The following MINDY3 variants were observed in gnomAD, a reference collection of about 807,000 sequenced individuals.
The protein encoded by MINDY3 is MINDY lysine 48 deubiquitinase 3.
In MINDY3, 38 loss-of-function variants were observed where a neutral mutation model predicts 69.2. The ratio of observed to expected loss-of-function variants is 0.55; its 90% CI spans 0.42 to 0.72. MINDY3 has a LOEUF of 0.72. Ranked by LOEUF, MINDY3 falls within the 30% of genes least tolerant of loss-of-function variation. The probability of loss-of-function intolerance (pLI) is 0.00; values close to 1 mark genes in which losing one functional copy is unlikely to be tolerated. For synonymous variants in MINDY3, 192 were observed against 180.1 expected (o/e 1.07, Z -0.53); for missense variants, 522 against 519.0 (o/e 1.01, Z -0.06).
intron 8 of MINDY3, among the ~76,000 whole-genome samples, chr10:15,831,096 A>G (rs972252031): frequency 2.0e-5 from 3 of 152,206 alleles, no homozygotes; most frequent in East Asian, 1.9e-4. Flanking sequence ...GGCAGAGGTA[A>G]AGTTAGAGAC....
chr10:15,806,535 C>T (rs1298756745), intron 10 of MINDY3, among the ~76,000 whole-genome samples: 2 of 152,112 alleles, frequency 1.3e-5, no homozygotes, highest in Non-Finnish European at 2.9e-5. Flanking sequence ...AATTTTATCA[C>T]AGCTGTGCAG....
intron 5 of MINDY3, chr10:15,837,876 A>G: frequency 4.2e-6 from 4 of 946,882 alleles, no homozygotes; most frequent in Non-Finnish European, 5.0e-6. Context: ...AGGTATAGAA[A>G]ACAGATACTG....
chr10:15,843,149 AT>A (rs1460181472), intron 3 of MINDY3, 62 bp downstream of exon 3: 4 of 1,329,530 alleles, frequency 3.0e-6, no homozygotes, highest in Non-Finnish European at 4.3e-6. Context: ...TTCTCAGATA[AT>A]TTTAGATCAT....
chr10:15,801,614 C>T (rs1838264166), intron 10 of MINDY3, among the ~76,000 whole-genome samples: 1 of 151,954 alleles, frequency 6.6e-6, no homozygotes. Context: ...CATAAGGACC[C>T]TTGAGGCTCA....
intron 10 of MINDY3, among the ~76,000 whole-genome samples, chr10:15,798,111 A>G (rs1190216071): frequency 1.3e-5 from 2 of 152,156 alleles, no homozygotes; most frequent in Admixed American, 6.5e-5. Flanking sequence ...GCGGTCACCA[A>G]TGAATGAGGA....
intron 3 of MINDY3, among the ~76,000 whole-genome samples, chr10:15,842,172 T>A (rs1187171280): frequency 6.6e-6 from 1 of 151,682 alleles, no homozygotes; most frequent in African/African-American, 2.4e-5. Flanking sequence ...TCAGACCATC[T>A]CTTTATGAAC....
chr10:15,842,006 A>C (rs1192036251), intron 3 of MINDY3, among the ~76,000 whole-genome samples: 2 of 151,746 alleles, frequency 1.3e-5, no homozygotes, highest in African/African-American at 4.8e-5. Context: ...CATCTGAATT[A>C]ATCTAACGTC....
At position 15,786,551 on chromosome 10, in the gene MINDY3, A is replaced by G. The variant is rs778997815; in HGVS notation, c.1116+10T>C. On this transcript the variant is annotated intron_variant, in intron 13 of 14. Coordinates refer to ENST00000277632, the MANE Select transcript of MINDY3 (RefSeq NM_024948.4). ...GAATAACAATGAATATATTTCCTCA[A>G]CTATGTTACCTGATCAGGAAAAAAT... The G allele has an allele frequency of 1.7e-5, 24 of 1,450,576 alleles. No individual in the cohort carries two copies. The Admixed American group carries it at 3.9e-4, about 24-fold the overall frequency. The allele number at this position is 1,450,576 out of a possible 1,614,324, so 89.9% of individuals were successfully genotyped here. A position where few individuals can be genotyped will look rare whatever the true frequency, so the allele number is the denominator to read the frequency against.
chr10:15,810,490 T>A (rs1181064866), intron 10 of MINDY3, among the ~76,000 whole-genome samples: 4 of 152,186 alleles, frequency 2.6e-5, no homozygotes, highest in Non-Finnish European at 1.5e-5. Flanking sequence ...AGCTAGTTTT[T>A]CTATTTGCCC....
chr10:15,838,752 C>T (rs1447831981), intron 4 of MINDY3, among the ~76,000 whole-genome samples: 1 of 151,692 alleles, frequency 6.6e-6, no homozygotes, highest in Admixed American at 6.6e-5. Context: ...GGTTCAATGA[C>T]AGCTTTAAGT....
intron 11 of MINDY3, among the ~76,000 whole-genome samples, 167 bp downstream of exon 11, chr10:15,795,933 A>G (rs1837787336): frequency 6.6e-6 from 1 of 152,018 alleles, no homozygotes; most frequent in Non-Finnish European, 1.5e-5. Flanking sequence ...CTTGTGTGCT[A>G]TTTCATTTGT....
At chr10:15,806,684 T>A (rs2131934633) in intron 10 of MINDY3, among the ~76,000 whole-genome samples, 1 of 152,292 alleles carries the variant, frequency 6.6e-6, no homozygotes, top group South Asian at 2.1e-4. Context: ...ATAAATGTGA[T>A]TATTCAAGCT....
intron 10 of MINDY3, among the ~76,000 whole-genome samples, chr10:15,814,429 T>C (rs1839216363): frequency 6.6e-6 from 1 of 151,770 alleles, no homozygotes; most frequent in South Asian, 2.1e-4. Flanking sequence ...GGGAAATTTG[T>C]ACAAAAGTTT....
chr10:15,826,301 G>C (rs1840082622), intron 8 of MINDY3, among the ~76,000 whole-genome samples: 1 of 152,122 alleles, frequency 6.6e-6, no homozygotes, highest in Non-Finnish European at 1.5e-5. Context: ...GAAAGAGTGG[G>C]CAAGAATGCA....
In MINDY3 at chr10:15,778,290, G is replaced by C. The variant is rs999006342; in HGVS notation, c.*702C>G. The C allele has an allele frequency of 6.6e-6, 1 of 152,188 alleles. No individual in the cohort carries two copies. The highest frequency in any genetic ancestry group is 6.5e-5 in the Admixed American group (1 of 15,268). 9.4% of individuals were successfully genotyped at this position (152,188 alleles called of 1,614,324 possible). ...ATCGTGTTTATAAATATAGAAGAAA[G>C]CTGGCTTACAGGGCTGTTGGGACAA... On this transcript the variant is annotated 3_prime_UTR_variant, in exon 15 of 15. Coordinates refer to ENST00000277632, the MANE Select transcript of MINDY3 (RefSeq NM_024948.4).
At chr10:15,802,721 T>C (rs1440112906) in intron 10 of MINDY3, among the ~76,000 whole-genome samples, 2 of 152,110 alleles carry the variant, frequency 1.3e-5, no homozygotes, top group East Asian at 3.9e-4. Context: ...CCTCCCAACA[T>C]ACAACCCAGT....
At chr10:15,855,567 A>AT (rs1834632338) in intron 1 of MINDY3, among the ~76,000 whole-genome samples, 1 of 152,074 alleles carries the variant, frequency 6.6e-6, no homozygotes, top group South Asian at 2.1e-4. Flanking sequence ...AATCTTTCTC[A>AT]TTTTCACATT....
At chr10:15,820,956 T>A (rs972913607) in intron 9 of MINDY3, among the ~76,000 whole-genome samples, 28 of 152,122 alleles carry the variant, frequency 1.8e-4, no homozygotes, top group Admixed American at 2.6e-4. Context: ...TTTAAAAAAA[T>A]TTTTTTAATG....
chr10:15,837,646 G>T, intron 5 of MINDY3: 1 of 1,185,362 alleles, frequency 8.4e-7, no homozygotes, highest in Non-Finnish European at 1.1e-6. Context: ...TGTAAGAGGG[G>T]GTAAACACAA....
Sources: gnomAD v4.1 joint callset for allele counts (sites outside exome capture counted in the v4.1 genomes callset) on GRCh38, gnomAD v4.1.1 for gene constraint, MANE v1.5 for transcripts, NCBI Gene and HGNC (gene_info 2026-07-23, HGNC 2026-07-21) for gene names.